The following MTCL2 variants were observed in gnomAD, a reference collection of about 807,000 sequenced individuals.
MTCL2 encodes microtubule crosslinking factor 2, also known as microtubule cross-linking factor 2.
chr20:36,852,302 C>G, the MTCL2 span, among the ~76,000 whole-genome samples: 1 of 142,218 alleles, frequency 7.0e-6, no homozygotes, highest in Non-Finnish European at 1.6e-5. Context: ...CACTCGTCTC[C>G]TGCCCGGGCC....
the MTCL2 span, among the ~76,000 whole-genome samples, chr20:36,836,938 G>A: frequency 1.3e-5 from 2 of 152,304 alleles, no homozygotes; most frequent in South Asian, 2.1e-4. Context: ...TGAAACCATG[G>A]CTCTCCCTGG....
At chr20:36,809,768 G>A in the MTCL2 span, among the ~76,000 whole-genome samples, 7 of 152,080 alleles carry the variant, frequency 4.6e-5, no homozygotes, top group East Asian at 1.4e-3. Context: ...TAGAGGCGGG[G>A]TTTCCATGTT....
chr20:36,797,531 G>C, the MTCL2 span: 3 of 1,556,298 alleles, frequency 1.9e-6, no homozygotes, highest in Non-Finnish European at 2.6e-6. Flanking sequence ...TGCTTCTCCA[G>C]CTCCGAGTGC....
chr20:36,792,526 A>G, the MTCL2 span, among the ~76,000 whole-genome samples: 30 of 147,142 alleles, frequency 2.0e-4, no homozygotes, highest in Admixed American at 1.6e-3. Flanking sequence ...AAAAACAATA[A>G]AAAAAAAAAA....
At chr20:36,859,507 C>A in the MTCL2 span, 1 of 1,017,508 alleles carries the variant, frequency 9.8e-7, no homozygotes, top group Non-Finnish European at 1.3e-6. Context: ...AACCCTCTAT[C>A]TTTATCCAAG....
the MTCL2 span, chr20:36,806,080 A>G: frequency 1.5e-6 from 1 of 674,430 alleles, no homozygotes; most frequent in Non-Finnish European, 2.5e-6. Flanking sequence ...GCCTCCCACG[A>G]CATCTATTCT....
At chr20:36,803,760 A>C in the MTCL2 span, among the ~76,000 whole-genome samples, 6 of 152,018 alleles carry the variant, frequency 3.9e-5, no homozygotes, top group Non-Finnish European at 5.9e-5. Context: ...GTTCAAGACT[A>C]GCCTGGCCAA....
the MTCL2 span, chr20:36,793,325 C>T: frequency 6.4e-7 from 1 of 1,551,830 alleles, no homozygotes; most frequent in Admixed American, 2.0e-5. This position sits in a 1 kb window ranked among gnomAD's most constrained non-coding sequence, Gnocchi z 6.8. Context: ...CATGGTGAGT[C>T]TGACCTCCTC....
chr20:36,816,633 T>C, the MTCL2 span, among the ~76,000 whole-genome samples: 1 of 152,076 alleles, frequency 6.6e-6, no homozygotes, highest in East Asian at 1.9e-4. Flanking sequence ...GAGCTAAGGA[T>C]GAAAAGGGCC....
chr20:36,794,309 A>G, the MTCL2 span: 4 of 1,561,950 alleles, frequency 2.6e-6, no homozygotes, highest in African/African-American at 5.5e-5. The surrounding 1 kb of genome is among the most constrained non-coding windows in gnomAD (Gnocchi z 5.4). Context: ...GCGCCGGGCC[A>G]CCGGGGGACT....
the MTCL2 span, among the ~76,000 whole-genome samples, chr20:36,792,418 T>C: frequency 1.3e-4 from 19 of 151,978 alleles, 1 homozygote; most frequent in East Asian, 1.9e-4. Flanking sequence ...AGAGACAGAA[T>C]TGTTTGAACC....
At chr20:36,862,201 G>A in the MTCL2 span, among the ~76,000 whole-genome samples, 1 of 152,216 alleles carries the variant, frequency 6.6e-6, no homozygotes, top group African/African-American at 2.4e-5. Context: ...GGAAAGCCCT[G>A]GGTAACGACT....
At chr20:36,794,854 A>C in the MTCL2 span, 1 of 526,766 alleles carries the variant, frequency 1.9e-6, no homozygotes, top group Non-Finnish European at 3.4e-6. This position sits in a 1 kb window ranked among gnomAD's most constrained non-coding sequence, Gnocchi z 5.4. Context: ...CTGCAGCCTC[A>C]AACTCCTGGG....
the MTCL2 span, chr20:36,812,735 C>G: frequency 6.2e-7 from 1 of 1,614,014 alleles, no homozygotes; most frequent in South Asian, 1.1e-5. Context: ...GTCTTCAGCT[C>G]GGTAAGGCCT....
the MTCL2 span, among the ~76,000 whole-genome samples, chr20:36,829,577 G>C: frequency 6.8e-6 from 1 of 147,796 alleles, no homozygotes; most frequent in Non-Finnish European, 1.5e-5. Context: ...GAGTGCAGTG[G>C]TGCAATCATG....
At chr20:36,829,311 G>A in the MTCL2 span, 1 of 1,245,066 alleles carries the variant, frequency 8.0e-7, no homozygotes, top group Non-Finnish European at 1.1e-6. Context: ...GGCAACCCTA[G>A]AGACAGGCAG....
the MTCL2 span, among the ~76,000 whole-genome samples, chr20:36,794,999 C>A: frequency 6.6e-6 from 1 of 151,570 alleles, no homozygotes; most frequent in Non-Finnish European, 1.5e-5. The surrounding 1 kb of genome is among the most constrained non-coding windows in gnomAD (Gnocchi z 5.4). Context: ...AGTGCAGTGG[C>A]ATGATCTCGG....
chr20:36,859,045 C>G, the MTCL2 span, among the ~76,000 whole-genome samples: 2 of 152,234 alleles, frequency 1.3e-5, no homozygotes, highest in Admixed American at 1.3e-4. Flanking sequence ...CCCGCCTTGG[C>G]CTCCCAAAGT....
the MTCL2 span, among the ~76,000 whole-genome samples, chr20:36,808,022 CCCG>C: frequency 6.7e-6 from 1 of 149,636 alleles, no homozygotes. Context: ...ACTACAGGCA[CCCG>C]CCACCACACC....
Sources: allele counts gnomAD v4.1 joint callset (sites outside exome capture counted in the v4.1 genomes callset), GRCh38; gene constraint gnomAD v4.1.1; non-coding constraint Gnocchi (gnomAD v3.1); transcripts MANE v1.5; gene names NCBI Gene and HGNC (gene_info 2026-07-23, HGNC 2026-07-21).